The following MTRR variants were observed in gnomAD, a reference collection of about 807,000 sequenced individuals.
MTRR encodes methionine synthase reductase.
Under a neutral mutation model 79.2 loss-of-function variants are expected in MTRR, and 63 were observed. The observed-to-expected ratio is 0.80, with a 90% CI of 0.65 to 0.98. The LOEUF is 0.98. Ranked by LOEUF, MTRR falls within the 50% of genes least tolerant of loss-of-function variation. The probability of loss-of-function intolerance (pLI) is 0.00; values close to 1 mark genes in which losing one functional copy is unlikely to be tolerated. For synonymous variants in MTRR, 355 were observed against 313.3 expected (o/e 1.13, Z -1.41); for missense variants, 895 against 839.6 (o/e 1.07, Z -0.82).
At chr5:7,861,608 T>C in intron 1 of MTRR, 1 of 1,605,824 alleles carries the variant, frequency 6.2e-7, no homozygotes, top group Non-Finnish European at 8.5e-7. Flanking sequence ...TCATTAGCTG[T>C]GGATGGCAAT....
chr5:7,868,201 A>AG, upstream of MTRR: 3 of 9,326 alleles, frequency 3.2e-4, no homozygotes, highest in African/African-American at 3.3e-3. Context: ...GAGTATCTGG[A>AG]AAAAAAAAAA....
chr5:7,896,164 A>G (rs763131356), intron 12 of MTRR, among the ~76,000 whole-genome samples: 1 of 152,246 alleles, frequency 6.6e-6, no homozygotes, highest in Non-Finnish European at 1.5e-5. Context: ...CAGCTGTTGT[A>G]TCTATCCCTT....
At chr5:7,889,634 G>T (rs1737216573) in intron 9 of MTRR, among the ~76,000 whole-genome samples, 1 of 152,056 alleles carries the variant, frequency 6.6e-6, no homozygotes, top group Non-Finnish European at 1.5e-5. Context: ...CAGAAAGGTT[G>T]TTTAGCTAAA....
chr5:7,892,098 C>T (rs1474298779), intron 10 of MTRR, among the ~76,000 whole-genome samples: 1 of 152,128 alleles, frequency 6.6e-6, no homozygotes, highest in East Asian at 1.9e-4. Context: ...CTCCCTGTGG[C>T]CTTCATTCCA....
At chr5:7,894,932 C>A (rs1226212371) in intron 11 of MTRR, among the ~76,000 whole-genome samples, 1 of 152,080 alleles carries the variant, frequency 6.6e-6, no homozygotes, top group Non-Finnish European at 1.5e-5. Context: ...TAGTTTCATT[C>A]CCAAGTAAGA....
intron 8 of MTRR, 62 bp from the exon 9 acceptor site, chr5:7,889,033 G>A (rs1203156785): frequency 6.3e-7 from 1 of 1,599,340 alleles, no homozygotes; most frequent in Non-Finnish European, 8.6e-7. Context: ...ACATTTAACT[G>A]AATATTCTAA....
At chr5:7,869,357 G>A (rs989316544) in intron 1 of MTRR, 142 bp downstream of exon 1, 6 of 902,946 alleles carry the variant, frequency 6.6e-6, no homozygotes, top group Non-Finnish European at 1.0e-5. Context: ...GGGTCGCCGC[G>A]GGCGCGGGCT....
intron 8 of MTRR, among the ~76,000 whole-genome samples, chr5:7,888,085 A>G (rs62342530): frequency 0.16 from 23,706 of 151,862 alleles, 2,093 homozygotes; most frequent in Non-Finnish European, 0.2. Context: ...TGATGTAATT[A>G]TGGGCAATTG....
intron 1 of MTRR, among the ~76,000 whole-genome samples, chr5:7,859,950 A>G (rs1218738050): frequency 2.0e-5 from 3 of 152,058 alleles, no homozygotes; most frequent in African/African-American, 4.8e-5. Context: ...GTATTCAGAG[A>G]GCTGGAGGAC....
At chr5:7,866,009 A>T (rs1276594629), upstream of MTRR, 1 of 1,571,742 alleles carries the variant, frequency 6.4e-7, no homozygotes, top group South Asian at 1.1e-5. Context: ...TCCCAGTCAT[A>T]GTTACGTCTG....
chr5:7,882,770 G>C (rs1735776308), intron 5 of MTRR, among the ~76,000 whole-genome samples: 1 of 151,610 alleles, frequency 6.6e-6, no homozygotes, highest in Admixed American at 6.6e-5. Flanking sequence ...GGGGGTTCCT[G>C]TGACCATCTA....
At chr5:7,880,088 T>C (rs1735331516) in intron 5 of MTRR, among the ~76,000 whole-genome samples, 1 of 152,222 alleles carries the variant, frequency 6.6e-6, no homozygotes, top group Non-Finnish European at 1.5e-5. Flanking sequence ...TGCACCAAAC[T>C]GTTAGAACCC....
chr5:7,885,587 C>A, intron 6 of MTRR, 114 bp from the exon 7 acceptor site: 1 of 897,158 alleles, frequency 1.1e-6, no homozygotes, highest in Non-Finnish European at 1.6e-6. Context: ...ATTCTATTTT[C>A]TGAGTTCACA....
chr5:7,900,203 A>C lies in MTRR; in HGVS notation c.*145A>C. The C allele has an allele frequency of 1.1e-6, 1 of 887,240 alleles. No individual in the cohort carries two copies. Among genetic ancestry groups the C allele is most frequent in the Non-Finnish European group, 1.7e-6 (1 of 585,760 alleles). The allele number at this position is 887,240 out of a possible 1,614,324, so 55.0% of individuals were successfully genotyped here. A position where few individuals can be genotyped will look rare whatever the true frequency, so the allele number is the denominator to read the frequency against. ...ACATGGAGTGGAGATTGGATCATTT[A>C]ACAATATAACAAAACTTCCTGATTT... is the stretch of plus-strand genomic sequence containing the variant. On this transcript the variant is annotated 3_prime_UTR_variant, in exon 15 of 15. Transcript: ENST00000440940.
chr5:7,875,848 C>T (rs1035642285), intron 4 of MTRR, among the ~76,000 whole-genome samples: 9 of 152,224 alleles, frequency 5.9e-5, no homozygotes, highest in African/African-American at 2.2e-4. Context: ...GTCTGAACGG[C>T]CATTTGCCAC....
chr5:7,898,908 CTAAAG>C (rs968226148), intron 14 of MTRR, among the ~76,000 whole-genome samples: 10 of 152,072 alleles, frequency 6.6e-5, no homozygotes, highest in African/African-American at 2.4e-4. Flanking sequence ...ATACCTGAGA[CTAAAG>C]AAAAGAGATT....
intron 11 of MTRR, chr5:7,893,769 G>A (rs909298617): frequency 3.9e-5 from 6 of 152,172 alleles, no homozygotes; most frequent in African/African-American, 1.4e-4. Flanking sequence ...CAATAGTGGG[G>A]ATTAGGACTT....
chr5:7,889,094 G>A lies in MTRR; in HGVS notation c.1147-1G>A. 1 of 1,614,052 alleles carries A rather than the reference G, an allele frequency of 6.2e-7. No homozygotes were observed. On this transcript the variant is annotated splice_acceptor_variant, in intron 8 of 14. Transcript: ENST00000440940. LOFTEE classifies it high-confidence loss of function. ...AATTTAAGGCGGGCTCCTTTTTGTA[G>A]GCATTTTTGCGAGCCCTTGTGGACT...
chr5:7,884,913 C>G (rs974327964), intron 6 of MTRR, among the ~76,000 whole-genome samples: 1 of 152,184 alleles, frequency 6.6e-6, no homozygotes, highest in African/African-American at 2.4e-5. Context: ...GATGGTTTTG[C>G]ATCCATAAAT....
Sources: gnomAD v4.1 joint callset for allele counts (sites outside exome capture counted in the v4.1 genomes callset) on GRCh38, gnomAD v4.1.1 for gene constraint, MANE v1.5 for transcripts, NCBI Gene and HGNC (gene_info 2026-07-23, HGNC 2026-07-21) for gene names.